Variants in SEZ6L observed in about 807,000 individuals in gnomAD.
SEZ6L encodes the protein seizure 6-like protein.
In SEZ6L, 37 loss-of-function variants were observed where a neutral mutation model predicts 106.2. The observed-to-expected ratio is 0.35, with a 90% CI of 0.27 to 0.46. The LOEUF (loss-of-function observed/expected upper bound fraction) is 0.46. Ranked by LOEUF, SEZ6L falls within the 20% of genes least tolerant of loss-of-function variation. The pLI, the probability that SEZ6L is intolerant of heterozygous loss-of-function variation, is 1.00. For missense variants in SEZ6L, 1,172 were observed against 1,332.8 expected, an observed-to-expected ratio of 0.88 and a Z score of 1.88; for synonymous variants, 541 against 570.4, an observed-to-expected ratio of 0.95 and a Z score of 0.73.
intron 1 of SEZ6L, among the ~76,000 whole-genome samples, chr22:26,192,301 G>A (rs1940271076): frequency 6.6e-6 from 1 of 152,158 alleles, no homozygotes; most frequent in Non-Finnish European, 1.5e-5. Context: ...ACCTTGGTTT[G>A]ATCTAAGCAG....
At chr22:26,225,439 G>A (rs2078607777) in intron 1 of SEZ6L, among the ~76,000 whole-genome samples, 1 of 152,154 alleles carries the variant, frequency 6.6e-6, no homozygotes, top group Non-Finnish European at 1.5e-5. Context: ...GGCTGATTTT[G>A]AGAAAGAGGG....
chr22:26,303,777 A>G (rs2081525301), intron 5 of SEZ6L, among the ~76,000 whole-genome samples: 2 of 152,190 alleles, frequency 1.3e-5, no homozygotes, highest in Non-Finnish European at 2.9e-5. Flanking sequence ...CAAACCCCTT[A>G]GCCATCTGTG....
At chr22:26,234,145 G>A (rs748590021) in intron 1 of SEZ6L, among the ~76,000 whole-genome samples, 1 of 152,208 alleles carries the variant, frequency 6.6e-6, no homozygotes, top group African/African-American at 2.4e-5. Context: ...TGACCACCTT[G>A]TGGAAACTGG....
At chr22:26,291,105 G>T (rs189097288) in intron 1 of SEZ6L, among the ~76,000 whole-genome samples, 197 of 152,266 alleles carry the variant, frequency 1.3e-3, no homozygotes, top group African/African-American at 4.5e-3. Context: ...ATACCCAAAG[G>T]AATATAAATC....
intron 1 of SEZ6L, among the ~76,000 whole-genome samples, chr22:26,271,529 C>T (rs2080367772): frequency 6.6e-6 from 1 of 152,212 alleles, no homozygotes; most frequent in Admixed American, 6.5e-5. Context: ...GATCCCCCCT[C>T]ATGATCATAA....
intron 3 of SEZ6L, among the ~76,000 whole-genome samples, chr22:26,296,630 G>A (rs1278246404): frequency 1.3e-5 from 2 of 152,198 alleles, no homozygotes; most frequent in African/African-American, 2.4e-5. Flanking sequence ...ACACAGCAAT[G>A]GGGGCCTCAC....
rs549972808 is a variant in SEZ6L at position 26,191,041 on chromosome 22, C to T, written c.94+21278C>T. 2.3e-4 allele frequency among the ~76,000 whole-genome samples: 35 copies of T among 152,272 alleles called. No individual in the cohort carries two copies. In the East Asian group the frequency reaches 4.6e-3, roughly 20 times the overall value. ...GAAAAAGATACGGGGTGTGGCAAGACAGAGGCATGTCAGTTTAGCAGTGAC... is the reference window on the plus strand; with the variant it reads ...GAAAAAGATACGGGGTGTGGCAAGATAGAGGCATGTCAGTTTAGCAGTGAC... On this transcript the variant is annotated intron_variant, in intron 1 of 16. Coordinates refer to ENST00000248933, the MANE Select transcript of SEZ6L (RefSeq NM_021115.5).
chr22:26,301,778 C>CTAAG (rs1278283484), intron 5 of SEZ6L, among the ~76,000 whole-genome samples: 1 of 152,116 alleles, frequency 6.6e-6, no homozygotes, highest in African/African-American at 2.4e-5. Flanking sequence ...CTAGCACATG[C>CTAAG]TAAGGTTCAG....
At chr22:26,266,544 G>A (rs532291765) in intron 1 of SEZ6L, among the ~76,000 whole-genome samples, 11 of 151,628 alleles carry the variant, frequency 7.3e-5, no homozygotes, top group African/African-American at 1.5e-4. Context: ...CTGCACTCCC[G>A]CCTGGGCAAA....
At chr22:26,268,313 A>G (rs2080253542) in intron 1 of SEZ6L, among the ~76,000 whole-genome samples, 1 of 152,240 alleles carries the variant, frequency 6.6e-6, no homozygotes. Flanking sequence ...ATTAGATCAC[A>G]GGACATTTTT....
intron 5 of SEZ6L, among the ~76,000 whole-genome samples, chr22:26,302,026 T>C (rs984387121): frequency 6.6e-6 from 1 of 152,160 alleles, no homozygotes; most frequent in African/African-American, 2.4e-5. Flanking sequence ...AGTGGATCCA[T>C]GGAAATCAAG....
At chr22:26,362,588 G>A (rs2083670617) in intron 12 of SEZ6L, among the ~76,000 whole-genome samples, 1 of 152,188 alleles carries the variant, frequency 6.6e-6, no homozygotes, top group African/African-American at 2.4e-5. Flanking sequence ...CTAGAGGACA[G>A]GAATGATGTC....
intron 1 of SEZ6L, among the ~76,000 whole-genome samples, chr22:26,236,347 C>T (rs2078958286): frequency 6.6e-6 from 1 of 152,198 alleles, no homozygotes; most frequent in South Asian, 2.1e-4. Flanking sequence ...TATTGAAACT[C>T]CCTCATGCCT....
intron 1 of SEZ6L, among the ~76,000 whole-genome samples, chr22:26,230,734 C>T (rs938112948): frequency 2.0e-5 from 3 of 152,036 alleles, no homozygotes; most frequent in Non-Finnish European, 4.4e-5. Flanking sequence ...GAGAGAGCCC[C>T]GGGAAGAACC....
intron 6 of SEZ6L, among the ~76,000 whole-genome samples, chr22:26,309,473 A>G (rs1001267454): frequency 2.6e-5 from 4 of 152,222 alleles, no homozygotes; most frequent in Non-Finnish European, 5.9e-5. Context: ...AGAAATGGGA[A>G]TTATGACTCT....
chr22:26,262,204 TA>T (rs1479614783), intron 1 of SEZ6L, among the ~76,000 whole-genome samples: 2 of 149,450 alleles, frequency 1.3e-5, no homozygotes, highest in Non-Finnish European at 3.0e-5. Flanking sequence ...TATTGATATA[TA>T]AAAGATATAT....
At chr22:26,308,631 G>A (rs1205732868) in intron 6 of SEZ6L, among the ~76,000 whole-genome samples, 1 of 151,894 alleles carries the variant, frequency 6.6e-6, no homozygotes, top group African/African-American at 2.4e-5. Flanking sequence ...GTCGTAATAT[G>A]TACTAGCTAA....
chr22:26,360,258 G>C (rs1198065356), intron 12 of SEZ6L, among the ~76,000 whole-genome samples: 1 of 152,152 alleles, frequency 6.6e-6, no homozygotes, highest in Non-Finnish European at 1.5e-5. Flanking sequence ...CCTGCTCCTA[G>C]GTCGGCTGTC....
At position 26,291,775 on chromosome 22, in the gene SEZ6L, G is replaced by T. The variant is rs1446148587; in HGVS notation, c.95-631G>T. On this transcript the variant is annotated intron_variant, in intron 1 of 16. Transcript: ENST00000248933. ...ATGGCATGCCTGTCCTGCAGACGGGGTTAGGGCCCGTCCTCTCTGCTCTCT... is the reference window on the plus strand; with the variant it reads ...ATGGCATGCCTGTCCTGCAGACGGGTTTAGGGCCCGTCCTCTCTGCTCTCT... Among the ~76,000 whole-genome samples the T allele has an allele frequency of 2.6e-5, 4 of 152,130 alleles. No individual in the cohort carries two copies. The East Asian group carries it at 7.7e-4, about 29-fold the overall frequency.
Sources: allele counts gnomAD v4.1 joint callset (sites outside exome capture counted in the v4.1 genomes callset), GRCh38; gene constraint gnomAD v4.1.1; transcripts MANE v1.5; gene names NCBI Gene and HGNC (gene_info 2026-07-23, HGNC 2026-07-21).